Variants in EHHADH observed in about 807,000 individuals in gnomAD.
EHHADH encodes enoyl-CoA hydratase and 3-hydroxyacyl CoA dehydrogenase, also known as peroxisomal bifunctional enzyme.
In EHHADH, 48 loss-of-function variants were observed where a neutral mutation model predicts 64.4. That is an observed-to-expected ratio of 0.75 (90% CI 0.59 to 0.95). The LOEUF is 0.95. Among genes scored for constraint, EHHADH ranks in the 40% least tolerant of loss-of-function variants. The probability of loss-of-function intolerance (pLI) is 0.00; values close to 1 mark genes in which losing one functional copy is unlikely to be tolerated. For missense variants in EHHADH, 854 were observed against 876.6 expected (o/e 0.97, Z 0.33); for synonymous variants, 308 against 326.7 (o/e 0.94, Z 0.62).
intron 4 of EHHADH, among the ~76,000 whole-genome samples, chr3:185,226,461 C>G (rs62288663): frequency 0.057 from 8,649 of 152,040 alleles, 328 homozygotes; most frequent in Admixed American, 0.084. Context: ...CCAGCCTGGC[C>G]AACATGGTGA....
intron 4 of EHHADH, among the ~76,000 whole-genome samples, chr3:185,222,903 G>A (rs1021387047): frequency 6.6e-6 from 1 of 152,184 alleles, no homozygotes; most frequent in Admixed American, 6.5e-5. Context: ...GTAACCTTTC[G>A]TTTTATTTGT....
chr3:185,253,062 T>A (rs1316696268), intron 1 of EHHADH: 1 of 153,086 alleles, frequency 6.5e-6, no homozygotes, highest in African/African-American at 2.4e-5. Context: ...AAAAAGAAGA[T>A]AAGGTGCAAT....
intron 5 of EHHADH, among the ~76,000 whole-genome samples, chr3:185,210,634 CA>C (rs34709334): frequency 0.11 from 9,523 of 83,188 alleles, 906 homozygotes; most frequent in African/African-American, 0.32. Context: ...GACTCTGTCT[CA>C]AAAAAAAAAA....
In EHHADH at chr3:185,253,995, C is replaced by G; in HGVS notation, c.28G>C (p.Ala10Pro). Residue 10 changes from alanine (A) to proline (P), a missense_variant, in exon 1 of 7, where the codon GCC becomes CCC. Physicochemically the swap from Ala to Pro is conservative, Grantham distance 27. Transcript: ENST00000231887. ...TTTCGGAGGCGGATTAGCGCCAAGG[C>G]GTTGTGCAGCCGCGTATACTCGGCC... is the stretch of plus-strand genomic sequence containing the variant. The part of the protein sequence containing the change: MAEYTRLHN[A>P]LALIRLRNPP... The G allele has an allele frequency of 6.2e-7, 1 of 1,613,904 alleles. No individual in the cohort carries two copies. The highest frequency in any genetic ancestry group is 1.1e-5 in the South Asian group (1 of 91,060).
In EHHADH at chr3:185,204,459, C is replaced by T; in HGVS notation, c.867G>A (p.Trp289Ter). ...NKWSTPSGAS[W>*]KTASARPVSS... ...AGACAGGCCGCGCTGATGCTGTTTT[C>T]CACGATGCTCCGGAGGGAGTTGACC... is the stretch of plus-strand genomic sequence containing the variant. Residue 289 changes from tryptophan to a stop codon, truncating the protein, a stop_gained, in exon 6 of 7, where the codon TGG (tryptophan) becomes TGA (stop). Transcript: ENST00000231887. LOFTEE classifies it high-confidence loss of function. The T allele has an allele frequency of 6.2e-7, 1 of 1,613,360 alleles. No homozygotes were observed. Among genetic ancestry groups the T allele is most frequent in the Non-Finnish European group, 8.5e-7 (1 of 1,179,712 alleles).
intron 4 of EHHADH, among the ~76,000 whole-genome samples, chr3:185,220,281 C>T (rs1426282536): frequency 6.6e-6 from 1 of 152,154 alleles, no homozygotes; most frequent in African/African-American, 2.4e-5. Flanking sequence ...AGTCATATGC[C>T]ATATAATAAC....
chr3:185,236,789 G>A (rs1719308361), intron 2 of EHHADH, among the ~76,000 whole-genome samples: 1 of 152,000 alleles, frequency 6.6e-6, no homozygotes. Flanking sequence ...CAAGTCTCAA[G>A]CCTATCATTC....
intron 3 of EHHADH, among the ~76,000 whole-genome samples, chr3:185,233,432 G>C (rs1398052980): frequency 6.6e-6 from 1 of 152,040 alleles, no homozygotes; most frequent in Non-Finnish European, 1.5e-5. Flanking sequence ...AGCAGTAATG[G>C]AGGAATTGAA....
chr3:185,253,782 G>GA, intron 1 of EHHADH, 167 bp downstream of exon 1: 1 of 1,273,622 alleles, frequency 7.9e-7, no homozygotes, highest in South Asian at 2.0e-5. Context: ...AAAAAGAAAA[G>GA]AAAAAGAAAG....
At chr3:185,237,465 C>A (rs986713010) in intron 2 of EHHADH, among the ~76,000 whole-genome samples, 1 of 152,164 alleles carries the variant, frequency 6.6e-6, no homozygotes, top group African/African-American at 2.4e-5. Flanking sequence ...GCTTTCAATT[C>A]GCCATTTTGT....
At chr3:185,212,463 C>A (rs547198455) in intron 5 of EHHADH, among the ~76,000 whole-genome samples, 4 of 152,278 alleles carry the variant, frequency 2.6e-5, no homozygotes, top group African/African-American at 9.6e-5. Context: ...TAATTGGTTC[C>A]AAAAGTGCTG....
At chr3:185,215,601 A>G (rs1420882336) in intron 5 of EHHADH, among the ~76,000 whole-genome samples, 1 of 152,222 alleles carries the variant, frequency 6.6e-6, no homozygotes, top group Non-Finnish European at 1.5e-5. Context: ...GTAAACAACT[A>G]CCAAAATTCA....
intron 2 of EHHADH, chr3:185,245,577 G>C: frequency 1.3e-6 from 1 of 794,520 alleles, no homozygotes. Context: ...AATAAGAGTT[G>C]CATGTCCTTC....
intron 4 of EHHADH, among the ~76,000 whole-genome samples, chr3:185,228,305 A>G (rs199693391): frequency 5.0e-5 from 6 of 120,756 alleles, no homozygotes; most frequent in Non-Finnish European, 7.3e-5. Context: ...GAGAGAGAGA[A>G]AGAGAGTAAA....
chr3:185,246,000 C>T, intron 2 of EHHADH: 1 of 1,447,204 alleles, frequency 6.9e-7, no homozygotes, highest in Non-Finnish European at 9.7e-7. Context: ...TTTTTGCTAT[C>T]TTCATCTTCT....
intron 4 of EHHADH, among the ~76,000 whole-genome samples, chr3:185,220,211 T>G (rs1438513662): frequency 6.6e-6 from 1 of 152,178 alleles, no homozygotes; most frequent in East Asian, 1.9e-4. Flanking sequence ...CTGGCTTGGA[T>G]TTCACAAAAT....
chr3:185,248,660 AAAT>A (rs1403292936), intron 1 of EHHADH, 143 bp from the exon 2 acceptor site: 9 of 594,934 alleles, frequency 1.5e-5, no homozygotes, highest in Non-Finnish European at 2.6e-5. Flanking sequence ...AGCTTCCAAC[AAAT>A]AATATGTCTA....
intron 4 of EHHADH, among the ~76,000 whole-genome samples, chr3:185,221,176 A>G (rs538728538): frequency 6.6e-6 from 1 of 152,320 alleles, no homozygotes; most frequent in African/African-American, 2.4e-5. Flanking sequence ...GGGCAACAAA[A>G]TTATTCAATA....
chr3:185,204,561 C>T lies in EHHADH; in HGVS notation c.765G>A (p.Leu255=). 6.2e-7 allele frequency: 1 copy of T among 1,614,220 alleles called. No individual in the cohort carries two copies. The highest frequency in any genetic ancestry group is 8.5e-7 in the Non-Finnish European group (1 of 1,180,028). The change falls in exon 6 of 7, where the codon CTG becomes CTA. Residue 255 remains leucine, a synonymous_variant. Coordinates refer to ENST00000231887, the MANE Select transcript of EHHADH (RefSeq NM_001966.4). ...GCCCTGATTGCAAAAGATATAGAAA[C>T]AGCTCCTCCTCCTTCTTGATGCCCA... ...YEVGIKKEEE[L]FLYLLQSGQA...
Sources: gnomAD v4.1 joint callset for allele counts (sites outside exome capture counted in the v4.1 genomes callset) on GRCh38, gnomAD v4.1.1 for gene constraint, MANE v1.5 for transcripts, NCBI Gene and HGNC (gene_info 2026-07-23, HGNC 2026-07-21) for gene names.